OXR1: variants seen among roughly 807,000 people sequenced by gnomAD.
OXR1 encodes oxidation resistance 1.
Under a neutral mutation model 104.6 loss-of-function variants are expected in OXR1, and 41 were observed. The ratio of observed to expected loss-of-function variants is 0.39; its 90% CI spans 0.31 to 0.51. OXR1 has a LOEUF of 0.51. Ranked by LOEUF, OXR1 falls within the 20% of genes least tolerant of loss-of-function variation. OXR1 has a pLI of 0.77. For synonymous variants in OXR1, 348 were observed against 348.4 expected, an observed-to-expected ratio of 1.00 and a Z score of 0.01; for missense variants, 955 against 1,031.9, an observed-to-expected ratio of 0.93 and a Z score of 1.02.
At chr8:106,411,429 C>T (rs1207666774) in intron 2 of OXR1, among the ~76,000 whole-genome samples, 1 of 152,080 alleles carries the variant, frequency 6.6e-6, no homozygotes, top group East Asian at 1.9e-4. Context: ...TAATTGGCAC[C>T]ATGAAGGACA....
intron 3 of OXR1, among the ~76,000 whole-genome samples, chr8:106,555,284 G>A: frequency 6.6e-6 from 1 of 152,136 alleles, no homozygotes; most frequent in South Asian, 2.1e-4. Flanking sequence ...TCCCAAATGT[G>A]CATGATAATA....
intron 2 of OXR1, among the ~76,000 whole-genome samples, chr8:106,517,876 T>G (rs1812963871): frequency 6.6e-6 from 1 of 152,216 alleles, no homozygotes; most frequent in Non-Finnish European, 1.5e-5. Context: ...TAGTACTTGA[T>G]AGATTGTATT....
chr8:106,629,313 G>A (rs1001437195), intron 3 of OXR1, among the ~76,000 whole-genome samples: 4 of 151,496 alleles, frequency 2.6e-5, no homozygotes, highest in Admixed American at 1.3e-4. Context: ...TGGCATTTCT[G>A]AGAGGTTGGC....
chr8:106,630,927 G>T (rs894000763), intron 3 of OXR1, among the ~76,000 whole-genome samples: 1 of 152,170 alleles, frequency 6.6e-6, no homozygotes, highest in Non-Finnish European at 1.5e-5. Flanking sequence ...AGGGCAGAAG[G>T]TGCAGTGAGA....
At chr8:106,697,454 A>G in intron 7 of OXR1, 1 of 1,571,906 alleles carries the variant, frequency 6.4e-7, no homozygotes. Flanking sequence ...TCCAGTAGCC[A>G]GTCATGCCTG....
At chr8:106,552,061 A>C (rs910572669) in intron 3 of OXR1, among the ~76,000 whole-genome samples, 1 of 151,992 alleles carries the variant, frequency 6.6e-6, no homozygotes, top group African/African-American at 2.4e-5. Flanking sequence ...ACCTGGTCTC[A>C]AAAAATAAAA....
chr8:106,574,605 A>AAAGC (rs1471037315), intron 3 of OXR1, among the ~76,000 whole-genome samples: 2 of 152,234 alleles, frequency 1.3e-5, no homozygotes, highest in African/African-American at 2.4e-5. Flanking sequence ...CAGTAGGGAG[A>AAAGC]AAGCAAGAAG....
At chr8:106,557,596 A>AT (rs924858723) in intron 3 of OXR1, among the ~76,000 whole-genome samples, 15 of 151,278 alleles carry the variant, frequency 9.9e-5, no homozygotes, top group South Asian at 6.3e-4. Flanking sequence ...AGGCAACTCA[A>AT]TTTTTTTTTC....
intron 2 of OXR1, among the ~76,000 whole-genome samples, chr8:106,427,439 T>C (rs951014910): frequency 1.3e-5 from 2 of 152,188 alleles, no homozygotes; most frequent in African/African-American, 4.8e-5. Flanking sequence ...AGGGCTGGGA[T>C]TACAGGCATG....
At chr8:106,671,306 G>A (rs1257886773) in intron 3 of OXR1, among the ~76,000 whole-genome samples, 1 of 152,062 alleles carries the variant, frequency 6.6e-6, no homozygotes, top group South Asian at 2.1e-4. Flanking sequence ...AGAATTCTGT[G>A]ACCTGTGAAA....
chr8:106,596,039 C>T (rs940218007), intron 3 of OXR1, among the ~76,000 whole-genome samples: 1 of 152,076 alleles, frequency 6.6e-6, no homozygotes, highest in African/African-American at 2.4e-5. Context: ...TTTAGCAAAA[C>T]TTTCTACTGA....
At position 106,441,512 on chromosome 8, in the gene OXR1, G is replaced by A. The variant is rs556858064; in HGVS notation, c.24-77431G>A. 2.0e-5 allele frequency among the ~76,000 whole-genome samples: 3 copies of A among 152,272 alleles called. No individual in the cohort carries two copies. In the South Asian group the frequency reaches 6.2e-4, roughly 32 times the overall value. On this transcript the variant is annotated intron_variant, in intron 2 of 16. Coordinates refer to ENST00000517566, the MANE Select transcript of OXR1 (RefSeq NM_001198533.2). The stretch of plus-strand genomic sequence containing the variant: ...ATCTCTAAATTACTTTGGGCAGTAT[G>A]GCCATTTTCACGACATTGATTTTTC...
intron 3 of OXR1, among the ~76,000 whole-genome samples, chr8:106,556,541 T>C (rs1816299916): frequency 6.6e-6 from 1 of 152,138 alleles, no homozygotes; most frequent in Non-Finnish European, 1.5e-5. Context: ...ATACTTAATA[T>C]CTCTCAGCCT....
intron 2 of OXR1, among the ~76,000 whole-genome samples, chr8:106,389,220 G>T (rs1484992072): frequency 2.6e-5 from 4 of 152,062 alleles, no homozygotes; most frequent in Non-Finnish European, 5.9e-5. Flanking sequence ...GTTTAATCAA[G>T]CAATGCCTGC....
At position 106,742,326 on chromosome 8, in the gene OXR1, C is replaced by G; in HGVS notation, c.2412+9C>G. 1 of 1,516,550 alleles carries G rather than the reference C, an allele frequency of 6.6e-7. No homozygotes were observed. Among genetic ancestry groups the G allele is most frequent in the Non-Finnish European group, 9.1e-7 (1 of 1,093,818 alleles). The allele number at this position is 1,516,550 out of a possible 1,614,324, so 93.9% of individuals were successfully genotyped here. On this transcript the variant is annotated intron_variant, in intron 15 of 16. Coordinates refer to ENST00000517566, the MANE Select transcript of OXR1 (RefSeq NM_001198533.2). ...TCTGTCCGGAGTTTGAGGTAAGAAC[C>G]ACTATTTCAATATTTTATTTATAAA...
rs373289053 is a variant in OXR1 at position 106,679,008 on chromosome 8, C to G, written c.221-202C>G. On this transcript the variant is annotated intron_variant, in intron 3 of 16. Transcript: ENST00000517566. ...CTTGCAATTATTCTATTGGTTCATA[C>G]TAGTTAAGTTCCTAAAGCAAGCAAG... 2.6e-5 allele frequency among the ~76,000 whole-genome samples: 4 copies of G among 151,908 alleles called. No homozygotes were observed. The East Asian group carries it at 7.7e-4, about 29-fold the overall frequency.
At chr8:106,574,910 A>C (rs550041769) in intron 3 of OXR1, among the ~76,000 whole-genome samples, 3 of 152,242 alleles carry the variant, frequency 2.0e-5, no homozygotes, top group Non-Finnish European at 4.4e-5. Context: ...GAAGATGACA[A>C]TCAACTACAA....
intron 3 of OXR1, among the ~76,000 whole-genome samples, chr8:106,654,755 A>G (rs566462116): frequency 6.6e-6 from 1 of 152,312 alleles, no homozygotes; most frequent in East Asian, 1.9e-4. Context: ...CTTCATCAAA[A>G]TTAAACCTTT....
intron 1 of OXR1, among the ~76,000 whole-genome samples, chr8:106,357,019 T>A (rs1816000869): frequency 6.6e-6 from 1 of 152,080 alleles, no homozygotes; most frequent in Admixed American, 6.6e-5. Context: ...GCTCGTTGAT[T>A]GTTTTTTTTT....
Sources: gnomAD v4.1 joint callset for allele counts (sites outside exome capture counted in the v4.1 genomes callset) on GRCh38, gnomAD v4.1.1 for gene constraint, MANE v1.5 for transcripts, NCBI Gene and HGNC (gene_info 2026-07-23, HGNC 2026-07-21) for gene names.